GNG7: variants seen among roughly 807,000 people sequenced by gnomAD.
GNG7 encodes guanine nucleotide-binding protein G(I)/G(S)/G(O) subunit gamma-7.
GNG7 carries 1 observed loss-of-function variant against 4.0 expected under a neutral mutation model. The ratio of observed to expected loss-of-function variants is 0.25; its 90% CI spans 0.09 to 1.18. GNG7 has a LOEUF of 1.18. GNG7 is among the 50% of genes most tolerant of loss of function. The probability of loss-of-function intolerance (pLI) is 0.50; values close to 1 mark genes in which losing one functional copy is unlikely to be tolerated. For synonymous variants in GNG7, 34 were observed against 36.9 expected, an observed-to-expected ratio of 0.92 and a Z score of 0.29; for missense variants, 86 against 91.9, an observed-to-expected ratio of 0.94 and a Z score of 0.26.
chr19:2,689,451 C>T (rs1317188953), intron 1 of GNG7, among the ~76,000 whole-genome samples: 2 of 151,050 alleles, frequency 1.3e-5, no homozygotes, highest in African/African-American at 4.9e-5. Context: ...GGTGAAACCC[C>T]GTCTCTACTA....
At chr19:2,616,056 C>T (rs765237713) in intron 2 of GNG7, among the ~76,000 whole-genome samples, 2 of 152,186 alleles carry the variant, frequency 1.3e-5, no homozygotes, top group African/African-American at 4.8e-5. Context: ...AAAAAACACC[C>T]AGTAGCCAGT....
chr19:2,542,519 C>A (rs1302062505), intron 3 of GNG7, among the ~76,000 whole-genome samples: 1 of 152,076 alleles, frequency 6.6e-6, no homozygotes, highest in Non-Finnish European at 1.5e-5. Context: ...TCAGGAAGAA[C>A]CTGAATGAGC....
In GNG7 at chr19:2,513,126, G is replaced by A. The variant is rs1043933220; in HGVS notation, c.*1896C>T. The A allele has an allele frequency of 5.1e-6, 5 of 985,222 alleles. No individual in the cohort carries two copies. Among genetic ancestry groups the A allele is most frequent in the East Asian group, 2.3e-4 (2 of 8,800 alleles). 61.0% of individuals were successfully genotyped at this position (985,222 alleles called of 1,614,324 possible). ...GTTGAGGAGTGGAGGTCACTCCCCC[G>A]ACACCTGCACACACACCCGGAGCCC... On this transcript the variant is annotated 3_prime_UTR_variant, in exon 5 of 5. Transcript: ENST00000382159.
intron 3 of GNG7, among the ~76,000 whole-genome samples, chr19:2,539,053 G>A (rs1319174952): frequency 6.6e-6 from 1 of 152,118 alleles, no homozygotes; most frequent in Non-Finnish European, 1.5e-5. Context: ...TTACAGGCGT[G>A]AGCCACGGCA....
intron 2 of GNG7, among the ~76,000 whole-genome samples, chr19:2,564,335 C>T (rs1365763029): frequency 6.6e-6 from 1 of 152,136 alleles, no homozygotes; most frequent in Non-Finnish European, 1.5e-5. Context: ...AAACCCAGAA[C>T]TTTGGGAGGC....
chr19:2,524,476 G>A (rs1978332800), intron 3 of GNG7, among the ~76,000 whole-genome samples: 1 of 152,030 alleles, frequency 6.6e-6, no homozygotes. Context: ...GTGCATGTAT[G>A]TGTGTATGTG....
chr19:2,682,208 C>CTCCCCCCTCCTTTTTAAAAATG (rs1983756255), intron 1 of GNG7, among the ~76,000 whole-genome samples: 1 of 152,094 alleles, frequency 6.6e-6, no homozygotes, highest in Non-Finnish European at 1.5e-5. Flanking sequence ...CGCGCCCGGC[C>CTCCCCCCTCCTTTTTAAAAATG]TGAAGCTGAT....
In GNG7 at chr19:2,634,744, C is replaced by T. The variant is rs756642190; in HGVS notation, c.-78+11480G>A. Among the ~76,000 whole-genome samples, 7 of 152,110 alleles carry T rather than the reference C, an allele frequency of 4.6e-5. No homozygotes were observed. Among genetic ancestry groups the T allele is most frequent in the Non-Finnish European group, 1.0e-4 (7 of 68,024 alleles). ...ACTGATAATAACGTGAATTTCAACA[C>T]GACCAGGACATGCTGAAATCTGGTG... is the stretch of plus-strand genomic sequence containing the variant. On this transcript the variant is annotated intron_variant, in intron 2 of 4. Transcript: ENST00000382159. This position sits in a 1 kb window ranked among gnomAD's most constrained non-coding sequence, Gnocchi z 5.3.
intron 1 of GNG7, among the ~76,000 whole-genome samples, chr19:2,667,314 T>C (rs1983335929): frequency 6.6e-6 from 1 of 151,956 alleles, no homozygotes; most frequent in African/African-American, 2.4e-5. Context: ...AGAGTGAGAC[T>C]CCCTCTCAAA....
In GNG7 at chr19:2,538,829, C is replaced by T. The variant is rs192394645; in HGVS notation, c.-38+16320G>A. The stretch of plus-strand genomic sequence containing the variant: ...TGTCTCCCAGGCTGGAGTGCAGTGG[C>T]GCAATCTCAGCTCACTGCAAACTCT... On this transcript the variant is annotated intron_variant, in intron 3 of 4. Transcript: ENST00000382159. 30 of 325,516 alleles carry T rather than the reference C, an allele frequency of 9.2e-5. No individual in the cohort carries two copies. The East Asian group carries it at 1.4e-3, about 15-fold the overall frequency. 20.2% of individuals were successfully genotyped at this position (325,516 alleles called of 1,614,324 possible). A position where few individuals can be genotyped will look rare whatever the true frequency, so the allele number is the denominator to read the frequency against.
chr19:2,664,517 A>G (rs972406930), intron 1 of GNG7, among the ~76,000 whole-genome samples: 19 of 152,078 alleles, frequency 1.2e-4, no homozygotes, highest in African/African-American at 4.6e-4. Flanking sequence ...ACAAAGGGGC[A>G]GGCCTGCTTG....
At chr19:2,624,528 C>CAAAAAAAAAAAAAAAAAAA (rs921061279) in intron 2 of GNG7, among the ~76,000 whole-genome samples, 1 of 62,444 alleles carries the variant, frequency 1.6e-5, no homozygotes, top group Non-Finnish European at 3.5e-5. Context: ...GACTCCGTCT[C>CAAAAAAAAAAAAAAAAAAA]AAAAAAAAAA....
intron 2 of GNG7, among the ~76,000 whole-genome samples, chr19:2,628,258 G>T (rs911179834): frequency 6.6e-6 from 1 of 152,154 alleles, no homozygotes; most frequent in Non-Finnish European, 1.5e-5. Flanking sequence ...GGTATGGGCT[G>T]GGCCGAGTTG....
At chr19:2,525,807 T>A (rs4807292) in intron 3 of GNG7, among the ~76,000 whole-genome samples, 3 of 151,664 alleles carry the variant, frequency 2.0e-5, no homozygotes, top group Non-Finnish European at 4.4e-5. Flanking sequence ...TGAAAGCAAG[T>A]GCTCTGCCTC....
rs1038630267 is a variant in GNG7, at chr19:2,557,092, C to A, written c.-77-1904G>T. On this transcript the variant is annotated intron_variant, in intron 2 of 4. Transcript: ENST00000382159. This position sits in a 1 kb window ranked among gnomAD's most constrained non-coding sequence, Gnocchi z 5.1. ...ACAGACACACGCACACACGTGCACA[C>A]AGGAATACTCAGACACACGCACACA... Among the ~76,000 whole-genome samples the A allele has an allele frequency of 3.3e-5, 5 of 151,888 alleles. No homozygotes were observed. Among genetic ancestry groups the A allele is most frequent in the African/African-American group, 1.2e-4 (5 of 41,312 alleles).
At chr19:2,607,188 T>A (rs1286815262) in intron 2 of GNG7, among the ~76,000 whole-genome samples, 6 of 146,372 alleles carry the variant, frequency 4.1e-5, no homozygotes, top group Non-Finnish European at 7.5e-5. Context: ...ACCACTGCAC[T>A]CCAGCCTGGG....
intron 2 of GNG7, among the ~76,000 whole-genome samples, chr19:2,587,006 A>T (rs1980694773): frequency 6.6e-6 from 1 of 151,066 alleles, no homozygotes; most frequent in Non-Finnish European, 1.5e-5. Flanking sequence ...AAAAAAAAAA[A>T]AAAGAATGTC....
chr19:2,627,687 C>T (rs1206819029), intron 2 of GNG7, among the ~76,000 whole-genome samples: 1 of 152,206 alleles, frequency 6.6e-6, no homozygotes, highest in African/African-American at 2.4e-5. Flanking sequence ...ATGTCACATT[C>T]CAGGAGGCTG....
At chr19:2,522,751 CAAAAAAAAAAAAAAAA>C (rs59490251) in intron 3 of GNG7, among the ~76,000 whole-genome samples, 2 of 43,894 alleles carry the variant, frequency 4.6e-5, no homozygotes, top group East Asian at 9.0e-4. Context: ...GACTCTGTCT[CAAAAAAAAAAAAAAAA>C]AAAAAAAAAA....
Sources: gnomAD v4.1 joint callset for allele counts (sites outside exome capture counted in the v4.1 genomes callset) on GRCh38, gnomAD v4.1.1 for gene constraint, Gnocchi (gnomAD v3.1) non-coding constraint, MANE v1.5 for transcripts, NCBI Gene and HGNC (gene_info 2026-07-23, HGNC 2026-07-21) for gene names.